FBXL17: variants seen among roughly 807,000 people sequenced by gnomAD.
FBXL17 encodes the protein F-box and leucine rich repeat protein 17, also known as F-box/LRR-repeat protein 17.
Under a neutral mutation model 66.2 loss-of-function variants are expected in FBXL17, and 22 were observed. The ratio of observed to expected loss-of-function variants is 0.33; its 90% CI spans 0.24 to 0.47. The LOEUF is 0.47. FBXL17 is among the 20% of genes least tolerant of loss of function. The pLI, the probability that FBXL17 is intolerant of heterozygous loss-of-function variation, is 1.00. For missense variants in FBXL17, 878 were observed against 948.2 expected (o/e 0.93, Z 0.97); for synonymous variants, 474 against 400.5 (o/e 1.18, Z -2.19).
At chr5:108,272,975 A>C (rs1757336875) in intron 4 of FBXL17, among the ~76,000 whole-genome samples, 1 of 152,314 alleles carries the variant, frequency 6.6e-6, no homozygotes, top group Middle Eastern at 3.4e-3. Context: ...ATAAAGGGAC[A>C]GAGTACAAAA....
chr5:108,381,770 C>T lies in FBXL17; in HGVS notation c.-79G>A. ...GCGGGCTCCCGGCAGCGGGGCAGGCCGCTCGCTGGCTCGGCCCCCGGAGGG... is the reference window on the plus strand; with the variant it reads ...GCGGGCTCCCGGCAGCGGGGCAGGCTGCTCGCTGGCTCGGCCCCCGGAGGG... On this transcript the variant is annotated 5_prime_UTR_variant, in exon 1 of 9. Coordinates refer to ENST00000542267, the MANE Select transcript of FBXL17 (RefSeq NM_001163315.3). 1 of 1,367,764 alleles carries T rather than the reference C, an allele frequency of 7.3e-7. No homozygotes were observed. The highest frequency in any genetic ancestry group is 9.4e-7 in the Non-Finnish European group (1 of 1,066,052). The allele number at this position is 1,367,764 out of a possible 1,614,324, so 84.7% of individuals were successfully genotyped here. A position where few individuals can be genotyped will look rare whatever the true frequency, so the allele number is the denominator to read the frequency against.
At chr5:108,123,933 TC>T (rs1254359583) in intron 6 of FBXL17, among the ~76,000 whole-genome samples, 1 of 152,138 alleles carries the variant, frequency 6.6e-6, no homozygotes, top group African/African-American at 2.4e-5. Context: ...CTTCTCTTGA[TC>T]CCAACTAAAG....
At chr5:107,901,928 C>A (rs1749579006) in intron 7 of FBXL17, among the ~76,000 whole-genome samples, 1 of 152,132 alleles carries the variant, frequency 6.6e-6, no homozygotes, top group Non-Finnish European at 1.5e-5. Flanking sequence ...AGAACGAATA[C>A]CTTTTAGGAA....
intron 6 of FBXL17, among the ~76,000 whole-genome samples, chr5:108,130,532 C>G (rs1385574774): frequency 6.6e-6 from 1 of 151,892 alleles, no homozygotes; most frequent in African/African-American, 2.4e-5. Flanking sequence ...AAGATTTTAA[C>G]TCGGGTAGTA....
intron 7 of FBXL17, among the ~76,000 whole-genome samples, chr5:107,890,421 G>A (rs541009836): frequency 6.6e-6 from 1 of 151,992 alleles, no homozygotes; most frequent in Non-Finnish European, 1.5e-5. Context: ...CTGTACTTTG[G>A]GGGGTCAAGG....
At chr5:108,265,841 T>C (rs1757023505) in intron 4 of FBXL17, among the ~76,000 whole-genome samples, 1 of 152,214 alleles carries the variant, frequency 6.6e-6, no homozygotes, top group African/African-American at 2.4e-5. Context: ...CCTGAGTTCC[T>C]GCATTTCTAA....
At chr5:108,075,819 C>A (rs897613233) in intron 6 of FBXL17, among the ~76,000 whole-genome samples, 2 of 152,134 alleles carry the variant, frequency 1.3e-5, no homozygotes, top group African/African-American at 4.8e-5. Flanking sequence ...TTTCTCACAG[C>A]TAAACTTTTA....
chr5:107,944,161 C>T (rs1230724261), intron 7 of FBXL17, among the ~76,000 whole-genome samples: 1 of 152,180 alleles, frequency 6.6e-6, no homozygotes, highest in African/African-American at 2.4e-5. Context: ...TACCTTATTT[C>T]CATATACTTT....
chr5:108,000,074 C>T (rs532529242), intron 7 of FBXL17, among the ~76,000 whole-genome samples: 49 of 152,352 alleles, frequency 3.2e-4, no homozygotes, highest in Non-Finnish European at 2.5e-4. Context: ...ATTTGCTTAA[C>T]TTCCCTGGAT....
intron 4 of FBXL17, among the ~76,000 whole-genome samples, chr5:108,237,613 G>A (rs1755664859): frequency 6.6e-6 from 1 of 152,140 alleles, no homozygotes; most frequent in South Asian, 2.1e-4. Flanking sequence ...GACTGATGGA[G>A]TCATTCATTA....
chr5:108,371,823 G>A lies in FBXL17; in HGVS notation c.994-3870C>T, dbSNP rs554035813. Among the ~76,000 whole-genome samples, 4 of 152,298 alleles carry A rather than the reference G, an allele frequency of 2.6e-5. No individual in the cohort carries two copies. In the East Asian group the frequency reaches 7.7e-4, roughly 29 times the overall value. ...GAGATTAAACAGATTAGAGCAAGTG[G>A]AAGTGTTATATAAATAAGCCAAAGA... is the stretch of plus-strand genomic sequence containing the variant. On this transcript the variant is annotated intron_variant, in intron 1 of 8. Coordinates refer to ENST00000542267, the MANE Select transcript of FBXL17 (RefSeq NM_001163315.3).
At chr5:108,359,942 A>C (rs569278474) in intron 3 of FBXL17, among the ~76,000 whole-genome samples, 1 of 152,144 alleles carries the variant, frequency 6.6e-6, no homozygotes, top group East Asian at 1.9e-4. Context: ...CAAGTCTTTC[A>C]ATTTTTGCTA....
chr5:108,299,973 G>T, intron 4 of FBXL17: 1 of 300,316 alleles, frequency 3.3e-6, no homozygotes, highest in Non-Finnish European at 4.9e-6. Context: ...ATTTCTTAAA[G>T]TTTAAAAGGA....
rs532664275 is a variant in FBXL17 at position 107,873,392 on chromosome 5, C to G, written c.1965+7645G>C. The stretch of plus-strand genomic sequence containing the variant: ...AGTGACTGGAATATAGTAAGCCACT[C>G]AATAGATATTTCTTGAAAAAATAAA... On this transcript the variant is annotated intron_variant, in intron 8 of 8. Coordinates refer to ENST00000542267, the MANE Select transcript of FBXL17 (RefSeq NM_001163315.3). Among the ~76,000 whole-genome samples the G allele has an allele frequency of 5.9e-5, 9 of 152,214 alleles. No individual in the cohort carries two copies. The East Asian group carries it at 1.7e-3, about 29-fold the overall frequency.
chr5:108,218,336 A>G (rs1754702778), intron 5 of FBXL17, among the ~76,000 whole-genome samples: 1 of 151,996 alleles, frequency 6.6e-6, no homozygotes, highest in Non-Finnish European at 1.5e-5. Context: ...TTATCCTTTA[A>G]TGGACATTCC....
intron 4 of FBXL17, among the ~76,000 whole-genome samples, chr5:108,266,601 C>CATA (rs1361408759): frequency 1.3e-5 from 2 of 152,048 alleles, no homozygotes; most frequent in Admixed American, 6.6e-5. Flanking sequence ...ACAAATAAGC[C>CATA]ATAACGTGCT....
chr5:108,197,544 T>G (rs1169816254), intron 5 of FBXL17, among the ~76,000 whole-genome samples: 1 of 152,164 alleles, frequency 6.6e-6, no homozygotes, highest in Non-Finnish European at 1.5e-5. Flanking sequence ...TTTTTTAAAG[T>G]AGTGAAATAA....
intron 6 of FBXL17, among the ~76,000 whole-genome samples, chr5:108,147,386 A>C (rs1048502085): frequency 8.5e-5 from 13 of 152,186 alleles, no homozygotes; most frequent in Non-Finnish European, 1.5e-4. Context: ...CCTTTCATCA[A>C]AAGTGTAAAA....
At chr5:107,900,448 G>T (rs1275324806) in intron 7 of FBXL17, among the ~76,000 whole-genome samples, 1 of 152,076 alleles carries the variant, frequency 6.6e-6, no homozygotes, top group Non-Finnish European at 1.5e-5. Flanking sequence ...ATTAGTTTAA[G>T]AAATGCAATT....
Sources: gnomAD v4.1 joint callset for allele counts (sites outside exome capture counted in the v4.1 genomes callset) on GRCh38, gnomAD v4.1.1 for gene constraint, MANE v1.5 for transcripts, NCBI Gene and HGNC (gene_info 2026-07-23, HGNC 2026-07-21) for gene names.